Variants in TNRC6A observed in about 807,000 individuals in gnomAD.
TNRC6A encodes the protein trinucleotide repeat-containing gene 6A protein.
In TNRC6A, 44 loss-of-function variants were observed where a neutral mutation model predicts 221.2. The ratio of observed to expected loss-of-function variants is 0.20; its 90% CI spans 0.16 to 0.26. The LOEUF (loss-of-function observed/expected upper bound fraction) is 0.26. Among genes scored for constraint, TNRC6A ranks in the 10% least tolerant of loss-of-function variants. TNRC6A has a pLI of 1.00. For missense variants in TNRC6A, 2,199 were observed against 2,404.4 expected, an observed-to-expected ratio of 0.91 and a Z score of 1.79; for synonymous variants, 847 against 838.5, an observed-to-expected ratio of 1.01 and a Z score of -0.18.
At chr16:24,804,595 T>G (rs1435591276) in intron 12 of TNRC6A, 110 bp from the exon 13 acceptor site, 1 of 1,455,788 alleles carries the variant, frequency 6.9e-7, no homozygotes, top group South Asian at 1.4e-5. Flanking sequence ...TCTACCTGTT[T>G]CCTGTTGATG....
chr16:24,774,100 A>G (rs944844534), intron 4 of TNRC6A, among the ~76,000 whole-genome samples: 6 of 152,128 alleles, frequency 3.9e-5, no homozygotes, highest in African/African-American at 1.4e-4. Flanking sequence ...GAAGTTTTCT[A>G]ATTTTCCTTT....
At chr16:24,815,806 TTG>T in intron 19 of TNRC6A, 1 of 165,872 alleles carries the variant, frequency 6.0e-6, no homozygotes, top group Non-Finnish European at 1.3e-5. Context: ...TGAGCCGAAA[TTG>T]CGCCACTGCA....
chr16:24,642,983 G>A (rs1902032375), intron 2 of TNRC6A, among the ~76,000 whole-genome samples: 1 of 150,170 alleles, frequency 6.7e-6, no homozygotes, highest in Non-Finnish European at 1.5e-5. Context: ...GTTCAAGGCT[G>A]CAATGAGCTA....
rs1388072097 is a variant in TNRC6A at position 24,823,387 on chromosome 16, C to T, written c.5514-45C>T. The T allele has an allele frequency of 1.3e-6, 2 of 1,556,074 alleles. No homozygotes were observed. Among genetic ancestry groups the T allele is most frequent in the Non-Finnish European group, 1.7e-6 (2 of 1,150,310 alleles). ...CTCACTTGTGAGTGAATGAAGCCCT[C>T]CTGGTGTGCTGTCCTCACGTGTCCG... On this transcript the variant is annotated intron_variant, in intron 24 of 24. Transcript: ENST00000395799. The surrounding 1 kb of genome is among the most constrained non-coding windows in gnomAD (Gnocchi z 4.3).
intron 2 of TNRC6A, among the ~76,000 whole-genome samples, chr16:24,692,009 T>TA (rs1022804479): frequency 6.6e-6 from 1 of 151,882 alleles, no homozygotes; most frequent in Non-Finnish European, 1.5e-5. Flanking sequence ...ACTTACAATT[T>TA]AAAAAAAAGA....
chr16:24,815,223 A>G lies in TNRC6A; in HGVS notation c.4749A>G (p.Pro1583=), dbSNP rs748731166. The G allele has an allele frequency of 3.7e-6, 6 of 1,614,136 alleles. No individual in the cohort carries two copies. In the Admixed American group the frequency reaches 8.3e-5, roughly 22 times the overall value. The part of the protein sequence containing the change: ...PYDFMNSSTS[P]ASPPGSIGDG... ...ACTTTATGAACAGCAGTACTTCACC[A>G]GCCAGTCCTCCAGGTTCAATAGGAG... The change falls in exon 19 of 25, where the codon CCA becomes CCG. Residue 1583 remains proline (P), a synonymous_variant. Coordinates refer to ENST00000395799, the MANE Select transcript of TNRC6A (RefSeq NM_014494.4).
At chr16:24,685,725 C>G (rs2055613582) in intron 2 of TNRC6A, among the ~76,000 whole-genome samples, 1 of 152,122 alleles carries the variant, frequency 6.6e-6, no homozygotes. Flanking sequence ...TATCTGGTGC[C>G]CTTGGGCGAG....
At chr16:24,670,262 T>C (rs1393155779) in intron 2 of TNRC6A, among the ~76,000 whole-genome samples, 1 of 152,056 alleles carries the variant, frequency 6.6e-6, no homozygotes, top group Non-Finnish European at 1.5e-5. Flanking sequence ...CTGTTCTTAT[T>C]ATCTCCATTT....
At chr16:24,626,051 G>A (rs1298218878) in intron 1 of TNRC6A, among the ~76,000 whole-genome samples, 2 of 152,144 alleles carry the variant, frequency 1.3e-5, no homozygotes, top group Non-Finnish European at 2.9e-5. Context: ...GGTTACATGT[G>A]CAGGTTTGTT....
chr16:24,635,162 CTTCCTTCCTTCCTTCT>C (rs900799172), intron 1 of TNRC6A, among the ~76,000 whole-genome samples: 5 of 139,820 alleles, frequency 3.6e-5, no homozygotes, highest in Non-Finnish European at 6.2e-5. Context: ...TCTTTCCTTC[CTTCCTTCCTTCCTTCT>C]TTCCTTCCTT....
intron 2 of TNRC6A, among the ~76,000 whole-genome samples, chr16:24,679,744 T>C (rs148084725): frequency 0.083 from 12,689 of 152,114 alleles, 1,039 homozygotes; most frequent in African/African-American, 0.21. Flanking sequence ...CCCAAAGTGC[T>C]AGGATTACAG....
At chr16:24,729,579 A>G (rs1353109784), upstream of TNRC6A, 2 of 390,356 alleles carry the variant, frequency 5.1e-6, no homozygotes, top group Non-Finnish European at 9.0e-6. Flanking sequence ...CTGCGGGTCC[A>G]GTTGCTAGGG....
intron 3 of TNRC6A, among the ~76,000 whole-genome samples, chr16:24,757,828 T>C (rs1470430582): frequency 6.6e-6 from 1 of 152,206 alleles, no homozygotes; most frequent in Admixed American, 6.5e-5. Context: ...TTGACTAAGT[T>C]TAATTGCAAT....
At position 24,777,027 on chromosome 16, in the gene TNRC6A, G is replaced by A. The variant is rs948515989; in HGVS notation, c.258G>A (p.Lys86=). 6.2e-7 allele frequency: 1 copy of A among 1,613,996 alleles called. No homozygotes were observed. The highest frequency in any genetic ancestry group is 1.7e-5 in the Admixed American group (1 of 59,988). The part of the protein sequence containing the change: ...STATSTNNNA[K]RATANNQQPQ... ...CAACCAGCACTAATAATAATGCCAA[G>A]CGAGCTACAGCCAACAATCAGCAGC... The change falls in exon 5 of 25, where the codon AAG becomes AAA. Residue 86 remains lysine (K), a synonymous_variant. Transcript: ENST00000395799.
At chr16:24,737,373 A>T (rs2056793726) in intron 2 of TNRC6A, among the ~76,000 whole-genome samples, 1 of 152,118 alleles carries the variant, frequency 6.6e-6, no homozygotes, top group Non-Finnish European at 1.5e-5. Context: ...AAAAAAAGCC[A>T]CCCATGAAAA....
intron 2 of TNRC6A, among the ~76,000 whole-genome samples, chr16:24,654,013 T>C (rs557622752): frequency 7.9e-5 from 12 of 152,274 alleles, no homozygotes; most frequent in Admixed American, 5.9e-4. Context: ...CAAGTGATCC[T>C]TTCACCTCAG....
chr16:24,738,580 T>G (rs760121597), intron 2 of TNRC6A, among the ~76,000 whole-genome samples: 1 of 152,246 alleles, frequency 6.6e-6, no homozygotes, highest in Non-Finnish European at 1.5e-5. Flanking sequence ...TTATTTAGTG[T>G]AGTGTTTTCA....
At chr16:24,731,373 A>G (rs1225701464) in intron 2 of TNRC6A, among the ~76,000 whole-genome samples, 5 of 152,186 alleles carry the variant, frequency 3.3e-5, no homozygotes. Context: ...TTGCTGGCCT[A>G]TTGAGTTTCA....
rs753252167 is a variant in TNRC6A, at chr16:24,790,854, A to G, written c.2212A>G (p.Thr738Ala). 3 of 1,614,152 alleles carry G rather than the reference A, an allele frequency of 1.9e-6. No homozygotes were observed. Among genetic ancestry groups the G allele is most frequent in the Non-Finnish European group, 8.5e-7 (1 of 1,180,036 alleles). ...IKQNTAWDTE[T>A]SPRGERKTDN... ...GCAGAATACTGCCTGGGATACAGAA[A>G]CATCACCTAGAGGGGAACGAAAGAC... The change falls in exon 6 of 25, where the codon ACA becomes GCA. Residue 738 changes from threonine (T) to alanine (A), a missense_variant. Physicochemically the swap from Thr to Ala is moderately conservative, Grantham distance 58. Transcript: ENST00000395799.
Sources: gnomAD v4.1 joint callset for allele counts (sites outside exome capture counted in the v4.1 genomes callset) on GRCh38, gnomAD v4.1.1 for gene constraint, Gnocchi (gnomAD v3.1) non-coding constraint, MANE v1.5 for transcripts, NCBI Gene and HGNC (gene_info 2026-07-23, HGNC 2026-07-21) for gene names.